The following C16orf96 variants were observed in gnomAD, a reference collection of about 807,000 sequenced individuals.
C16orf96 encodes chromosome 16 open reading frame 96, also known as uncharacterized protein C16orf96.
A neutral mutation model predicts 103.6 loss-of-function variants in C16orf96; 108 were observed. The observed-to-expected ratio is 1.04, with a 90% confidence interval of 0.89 to 1.22. The LOEUF is 1.22. Ranked by LOEUF, C16orf96 falls within the 50% of genes most tolerant of loss-of-function variation. C16orf96 has a pLI of 0.00. For missense variants in C16orf96, 1,586 were observed against 1,464.2 expected, an observed-to-expected ratio of 1.08 and a Z score of -1.36; for synonymous variants, 566 against 593.5, an observed-to-expected ratio of 0.95 and a Z score of 0.67.
rs1897101547 is a variant in C16orf96, at chr16:4,593,302, G to A, written c.2853G>A (p.Gln951=). Residue 951 remains glutamine, a synonymous_variant, in exon 12 of 16, where the codon CAG becomes CAA. Transcript: ENST00000444310. This position sits in a 1 kb window ranked among gnomAD's most constrained non-coding sequence, Gnocchi z 4.2. ...GCGCCAACAGCTGCGAGTACTTGCAGCGGCAACAGATGAGGTGAGCAGGAT... is the reference window on the plus strand; with the variant it reads ...GCGCCAACAGCTGCGAGTACTTGCAACGGCAACAGATGAGGTGAGCAGGAT... The part of the protein sequence containing the change: ...PASANSCEYL[Q]RQQMREQQWL... The A allele has an allele frequency of 6.4e-7, 1 of 1,550,756 alleles. No homozygotes were observed. The highest frequency in any genetic ancestry group is 8.7e-7 in the Non-Finnish European group (1 of 1,146,872).
At position 4,600,388 on chromosome 16, in the gene C16orf96, C is replaced by T. The variant is rs141940435; in HGVS notation, c.*71C>T. ...GAGGCTGAGGCCCATGTGGCCCTCC[C>T]ACTCCCACCAAGTCCCCTCCACATC... is the stretch of plus-strand genomic sequence containing the variant. On this transcript the variant is annotated 3_prime_UTR_variant, in exon 16 of 16. Transcript: ENST00000444310. 1.6e-3 allele frequency: 1,798 copies of T among 1,132,494 alleles called. 16 individuals are homozygous for T. The African/African-American group carries it at 0.022, about 14-fold the overall frequency. The allele number at this position is 1,132,494 out of a possible 1,614,324, so 70.2% of individuals were successfully genotyped here.
At chr16:4,563,313 G>C (rs991507227) in intron 1 of C16orf96, among the ~76,000 whole-genome samples, 4 of 152,014 alleles carry the variant, frequency 2.6e-5, no homozygotes. Flanking sequence ...GCAGTGGCTC[G>C]ATCTCAGCTC....
At chr16:4,542,599 C>T in the C16orf96 span, among the ~76,000 whole-genome samples, 1 of 151,986 alleles carries the variant, frequency 6.6e-6, no homozygotes, top group African/African-American at 2.4e-5. Context: ...GAGTTCAAGA[C>T]CAGCCTGGCC....
rs573223895 is a variant in C16orf96, at chr16:4,590,053, G to C, written c.2593-1613G>C. ...AGGCAGGAGAATGGCCTGAACCCGG[G>C]AGGCAGAGCTTGTAGTAAGCCGAGA... On this transcript the variant is annotated intron_variant, in intron 9 of 15. Transcript: ENST00000444310. Among the ~76,000 whole-genome samples, 23 of 152,160 alleles carry C rather than the reference G, an allele frequency of 1.5e-4. No homozygotes were observed. In the South Asian group the frequency reaches 2.3e-3, roughly 15 times the overall value.
rs1326032546 is a variant in C16orf96, at chr16:4,571,488, G to C, written c.421-73G>C. ...ACCTCTTGAACAACGGCTATCATCA[G>C]AAAGCTTCTGCACTTCACTTACCTT... is the stretch of plus-strand genomic sequence containing the variant. On this transcript the variant is annotated intron_variant, in intron 1 of 15. Transcript: ENST00000444310. The C allele has an allele frequency of 2.3e-6, 3 of 1,319,368 alleles. No homozygotes were observed. In the East Asian group the frequency reaches 7.6e-5, roughly 33 times the overall value. The allele number at this position is 1,319,368 out of a possible 1,614,324, so 81.7% of individuals were successfully genotyped here. A position where few individuals can be genotyped will look rare whatever the true frequency, so the allele number is the denominator to read the frequency against.
At chr16:4,581,738 G>C (rs957370122) in intron 7 of C16orf96, among the ~76,000 whole-genome samples, 1 of 152,066 alleles carries the variant, frequency 6.6e-6, no homozygotes, top group African/African-American at 2.4e-5. Flanking sequence ...AGGGAGGATT[G>C]CTTGAGGCCA....
chr16:4,575,335 C>T lies in C16orf96; in HGVS notation c.855C>T (p.Val285=), dbSNP rs1390580191. The change falls in exon 5 of 16, where the codon GTC becomes GTT. Residue 285 remains valine (V), a synonymous_variant. Transcript: ENST00000444310. ...QLLQTVWHYE[V]PELLPEGSSA... Reference sequence around the variant, plus strand: ...TGCAGACTGTCTGGCATTATGAGGTCCCAGAGCTCCTCCCGGAGGGCTCAT... The same window carrying T: ...TGCAGACTGTCTGGCATTATGAGGTTCCAGAGCTCCTCCCGGAGGGCTCAT... The T allele has an allele frequency of 2.6e-6, 4 of 1,551,152 alleles. No individual in the cohort carries two copies. The highest frequency in any genetic ancestry group is 3.5e-6 in the Non-Finnish European group (4 of 1,147,002).
chr16:4,556,562 G>A lies in C16orf96; in HGVS notation c.73G>A (p.Ala25Thr), dbSNP rs2141685941. ...ACAGTGCGGGGTGCTGAACTTCAAG[G>A]CCCTGCACCTCCTGCTGCACGGCAT... ...IPQCGVLNFK[A>T]LHLLLHGILE... The change falls in exon 1 of 16, where the codon GCC (alanine) becomes ACC (threonine). Residue 25 changes from alanine (A) to threonine (T), a missense_variant. Transcript: ENST00000444310. 6.4e-7 allele frequency: 1 copy of A among 1,551,568 alleles called. No homozygotes were observed. Among genetic ancestry groups the A allele is most frequent in the Non-Finnish European group, 8.7e-7 (1 of 1,146,958 alleles).
Position 4,556,558 on chromosome 16 carries a change from C to G in C16orf96, c.69C>G (p.Phe23Leu). The G allele has an allele frequency of 5.8e-6, 9 of 1,551,508 alleles. No homozygotes were observed. Among genetic ancestry groups the G allele is most frequent in the Non-Finnish European group, 7.8e-6 (9 of 1,146,864 alleles). The change falls in exon 1 of 16, where the codon TTC (phenylalanine) becomes TTG (leucine). Residue 23 changes from phenylalanine to leucine, a missense_variant. Transcript: ENST00000444310. The part of the protein sequence containing the change: ...IAIPQCGVLN[F>L]KALHLLLHGI... Reference sequence around the variant, plus strand: ...TCCCACAGTGCGGGGTGCTGAACTTCAAGGCCCTGCACCTCCTGCTGCACG... The same window carrying G: ...TCCCACAGTGCGGGGTGCTGAACTTGAAGGCCCTGCACCTCCTGCTGCACG...
At chr16:4,553,788 TC>T (rs1207074033), upstream of C16orf96, among the ~76,000 whole-genome samples, 2 of 152,208 alleles carry the variant, frequency 1.3e-5, no homozygotes, top group East Asian at 3.8e-4. Context: ...AGAAACGTTT[TC>T]CATCAGCACT....
chr16:4,590,852 C>T (rs1273539805), intron 9 of C16orf96, among the ~76,000 whole-genome samples: 4 of 135,188 alleles, frequency 3.0e-5, no homozygotes, highest in African/African-American at 1.1e-4. Flanking sequence ...AACCCCATGT[C>T]TACTAAAAGT....
At position 4,574,778 on chromosome 16, in the gene C16orf96, C is replaced by T; in HGVS notation, c.595C>T (p.Gln199Ter). The change falls in exon 3 of 16, where the codon CAG becomes TAG. Residue 199 changes from glutamine (Q) to a stop codon, truncating the protein, a stop_gained. Coordinates refer to ENST00000444310, the MANE Select transcript of C16orf96 (RefSeq NM_001145011.2). LOFTEE classifies it high-confidence loss of function. ...KIQNWKMVAL[Q>*]REVASLQNKF... ...ACAGAACTGGAAGATGGTTGCACTG[C>T]AGCGGGAAGTGGTGAGGGCCACCAT... 1 of 1,551,664 alleles carries T rather than the reference C, an allele frequency of 6.4e-7. No individual in the cohort carries two copies.
At chr16:4,558,065 T>C (rs1310637451) in intron 1 of C16orf96, among the ~76,000 whole-genome samples, 1 of 152,094 alleles carries the variant, frequency 6.6e-6, no homozygotes, top group Non-Finnish European at 1.5e-5. Context: ...GCAGGGGAGA[T>C]AGACACAAGT....
At position 4,594,705 on chromosome 16, in the gene C16orf96, C is replaced by G; in HGVS notation, c.3029C>G (p.Ala1010Gly). The part of the protein sequence containing the change: ...GDPHVIDYDS[A>G]EVDILGVDGI... ...CCCGGGACCTGGGCCATCCAACAGG[C>G]CGAGGTGGACATCCTGGGCGTGGAT... The change falls in exon 14 of 16, where the codon GCC (alanine) becomes GGC (glycine). Residue 1010 changes from alanine (A) to glycine (G), a missense_variant and splice_region_variant. Coordinates refer to ENST00000444310, the MANE Select transcript of C16orf96 (RefSeq NM_001145011.2). 1 of 1,551,198 alleles carries G rather than the reference C, an allele frequency of 6.4e-7. No individual in the cohort carries two copies.
At position 4,600,296 on chromosome 16, in the gene C16orf96, C is replaced by T. The variant is rs372802536; in HGVS notation, c.3405C>T (p.Pro1135=). The change falls in exon 16 of 16, where the codon CCC becomes CCT. Residue 1135 remains proline, a synonymous_variant. Transcript: ENST00000444310. ...AGTCCCGAGTCGGCAGGAAGCCCCC[C>T]GAGGAGCCCGCCAACCCGTGAGCCC... The part of the protein sequence containing the change: ...HIESRVGRKP[P]EEPANP 56 of 1,550,132 alleles carry T rather than the reference C, an allele frequency of 3.6e-5. No homozygotes were observed. In the African/African-American group the frequency reaches 5.2e-4, roughly 14 times the overall value.
At chr16:4,546,587 C>T in the C16orf96 span, among the ~76,000 whole-genome samples, 3 of 151,846 alleles carry the variant, frequency 2.0e-5, no homozygotes, top group Admixed American at 2.0e-4. Flanking sequence ...GCCTCAGCCT[C>T]CTGAGGAGCT....
rs982657759 is a variant in C16orf96 at position 4,575,767 on chromosome 16, G to T, written c.1287G>T (p.Glu429Asp). The T allele has an allele frequency of 1.9e-6, 3 of 1,549,858 alleles. No homozygotes were observed. Among genetic ancestry groups the T allele is most frequent in the Non-Finnish European group, 2.6e-6 (3 of 1,146,550 alleles). Residue 429 changes from glutamate (E) to aspartate (D), a missense_variant, in exon 5 of 16, where the codon GAG becomes GAT. Physicochemically the swap from Glu to Asp is conservative, Grantham distance 45 (BLOSUM62 2). Transcript: ENST00000444310. ...QPSRAPPPAT[E>D]FGSLWPRPLQ... ...CCAGGGCCCCACCACCAGCCACTGA[G>T]TTTGGCTCATTGTGGCCTCGACCAC...
intron 1 of C16orf96, among the ~76,000 whole-genome samples, chr16:4,562,104 A>C (rs117431238): frequency 2.2e-4 from 34 of 152,314 alleles, no homozygotes; most frequent in Non-Finnish European, 4.4e-4. Context: ...CTAAGCCATT[A>C]ATCCTGTAGC....
At chr16:4,540,899 A>G in the C16orf96 span, among the ~76,000 whole-genome samples, 1 of 150,288 alleles carries the variant, frequency 6.7e-6, no homozygotes, top group Non-Finnish European at 1.5e-5. Flanking sequence ...ATAAGCCACC[A>G]TACCTGTCTG....
Sources: allele counts gnomAD v4.1 joint callset (sites outside exome capture counted in the v4.1 genomes callset), GRCh38; gene constraint gnomAD v4.1.1; non-coding constraint Gnocchi (gnomAD v3.1); transcripts MANE v1.5; gene names NCBI Gene and HGNC (gene_info 2026-07-23, HGNC 2026-07-21).